The following CNTN5 variants were observed in gnomAD, a reference collection of about 807,000 sequenced individuals.
The protein encoded by CNTN5 is contactin 5.
In CNTN5, 77 loss-of-function variants were observed where a neutral mutation model predicts 129.1. The ratio of observed to expected loss-of-function variants is 0.60; its 90% CI spans 0.50 to 0.72. The LOEUF is 0.72. Ranked by LOEUF, CNTN5 falls within the 30% of genes least tolerant of loss-of-function variation. The pLI, the probability that CNTN5 is intolerant of heterozygous loss-of-function variation, is 0.00. For missense variants in CNTN5, 1,478 were observed against 1,328.8 expected (o/e 1.11, Z -1.75); for synonymous variants, 509 against 465.6 (o/e 1.09, Z -1.20).
chr11:99,642,902 ATGT>A (rs1951822638), intron 3 of CNTN5, among the ~76,000 whole-genome samples: 1 of 152,152 alleles, frequency 6.6e-6, no homozygotes, highest in Non-Finnish European at 1.5e-5. Flanking sequence ...AGGTTCATCC[ATGT>A]TGTTGCAAAT....
chr11:99,305,743 G>T (rs1055307438), intron 1 of CNTN5, among the ~76,000 whole-genome samples: 2 of 152,088 alleles, frequency 1.3e-5, no homozygotes, highest in African/African-American at 4.8e-5. Flanking sequence ...CACTTTGGGA[G>T]GCTGAGGCAG....
At chr11:99,682,784 A>G in intron 3 of CNTN5, among the ~76,000 whole-genome samples, 1 of 151,964 alleles carries the variant, frequency 6.6e-6, no homozygotes, top group East Asian at 1.9e-4. Flanking sequence ...CAATAAGACA[A>G]CAAACCTAAT....
chr11:99,351,309 A>C (rs1229792003), intron 2 of CNTN5, among the ~76,000 whole-genome samples: 1 of 152,162 alleles, frequency 6.6e-6, no homozygotes, highest in African/African-American at 2.4e-5. Context: ...GTGAGGTGAG[A>C]ATTATTGGCC....
chr11:99,402,801 T>C (rs947855346), intron 2 of CNTN5, among the ~76,000 whole-genome samples: 4 of 152,098 alleles, frequency 2.6e-5, no homozygotes, highest in African/African-American at 2.4e-5. Context: ...ATTTGGTAGG[T>C]TGTATGTGTC....
chr11:100,106,589 G>A (rs1435666857), intron 13 of CNTN5, among the ~76,000 whole-genome samples: 1 of 152,126 alleles, frequency 6.6e-6, no homozygotes, highest in Non-Finnish European at 1.5e-5. Context: ...TGAACTTACA[G>A]TTTAAATTGT....
Position 99,956,852 on chromosome 11 carries a change from G to T in CNTN5, c.720G>T (p.Ala240=). 6.2e-7 allele frequency: 1 copy of T among 1,613,820 alleles called. No homozygotes were observed. The highest frequency in any genetic ancestry group is 8.5e-7 in the Non-Finnish European group (1 of 1,179,838). The change falls in exon 8 of 25, where the codon GCG becomes GCT. Residue 240 remains alanine (A), a synonymous_variant. Coordinates refer to ENST00000524871, the MANE Select transcript of CNTN5 (RefSeq NM_014361.4). ...WVFNEFPSFV[A]EDSRRFISQE... ...TTAATGAGTTCCCTTCCTTTGTGGC[G>T]GAAGACAGCCGGCGGTTCATCTCCC...
At chr11:99,966,342 C>G (rs1951092994) in intron 8 of CNTN5, among the ~76,000 whole-genome samples, 1 of 152,102 alleles carries the variant, frequency 6.6e-6, no homozygotes, top group Non-Finnish European at 1.5e-5. Flanking sequence ...TAGTTTATTT[C>G]AAATTTATCC....
intron 18 of CNTN5, among the ~76,000 whole-genome samples, chr11:100,287,450 A>G (rs1950823602): frequency 6.6e-6 from 1 of 151,268 alleles, no homozygotes; most frequent in Admixed American, 6.6e-5. Flanking sequence ...GGGGGCCAAT[A>G]TTCAACATTC....
At chr11:99,760,991 A>T (rs919749893) in intron 3 of CNTN5, among the ~76,000 whole-genome samples, 1 of 152,138 alleles carries the variant, frequency 6.6e-6, no homozygotes, top group Admixed American at 6.6e-5. Flanking sequence ...AAATTGTTTA[A>T]TCATTGTCTC....
intron 1 of CNTN5, among the ~76,000 whole-genome samples, chr11:99,237,670 A>G (rs867492885): frequency 6.6e-6 from 1 of 151,128 alleles, no homozygotes; most frequent in Non-Finnish European, 1.5e-5. Context: ...ACAAAACAAG[A>G]CTCTGTCTCA....
rs114435705 is a variant in CNTN5, at chr11:99,994,692, A to G, written c.878-7342A>G. Among the ~76,000 whole-genome samples the G allele has an allele frequency of 7.4e-3, 1,120 of 152,302 alleles. 16 individuals are homozygous for G. The highest frequency in any genetic ancestry group is 0.026 in the African/African-American group (1,074 of 41,560). On this transcript the variant is annotated intron_variant, in intron 8 of 24. Transcript: ENST00000524871. ...ATCAATTTTAAGAATAGGCAGGGAA[A>G]TCGGAAATTAAGTTTGAGGACTGCT...
At chr11:99,628,359 A>T (rs1951206044) in intron 3 of CNTN5, among the ~76,000 whole-genome samples, 1 of 152,054 alleles carries the variant, frequency 6.6e-6, no homozygotes, top group African/African-American at 2.4e-5. Context: ...CACATCTTTA[A>T]TGAAAACATA....
rs545097685 is a variant in CNTN5, at chr11:99,511,266, G to T, written c.-70-44879G>T. Reference sequence around the variant, plus strand: ...TGTCTTTGTTCTCGTTGGTTTCAAAGAACATCTTTATTTCTGCCTTCATTT... The same window carrying T: ...TGTCTTTGTTCTCGTTGGTTTCAAATAACATCTTTATTTCTGCCTTCATTT... On this transcript the variant is annotated intron_variant, in intron 2 of 24. Coordinates refer to ENST00000524871, the MANE Select transcript of CNTN5 (RefSeq NM_014361.4). Among the ~76,000 whole-genome samples the T allele has an allele frequency of 2.0e-5, 3 of 152,202 alleles. No individual in the cohort carries two copies. In the South Asian group the frequency reaches 6.2e-4, roughly 32 times the overall value.
chr11:99,480,537 A>AT lies in CNTN5; in HGVS notation c.-70-75607dup, dbSNP rs546798825. 6.6e-5 allele frequency among the ~76,000 whole-genome samples: 10 copies of AT among 152,316 alleles called. No homozygotes were observed. The South Asian group carries it at 2.1e-3, about 32-fold the overall frequency. ...AATGGCTGGAATAATTATGAACATCATATAAACATTTGCTATTAATTTTAC... is the reference window on the plus strand; with the variant it reads ...AATGGCTGGAATAATTATGAACATCATTATAAACATTTGCTATTAATTTTAC... On this transcript the variant is annotated intron_variant, in intron 2 of 24. Transcript: ENST00000524871.
chr11:100,144,221 T>C (rs1303719270), intron 13 of CNTN5, among the ~76,000 whole-genome samples: 1 of 152,186 alleles, frequency 6.6e-6, no homozygotes, highest in Admixed American at 6.5e-5. Context: ...GTTTTTTTAT[T>C]TTATTTTTTT....
intron 6 of CNTN5, among the ~76,000 whole-genome samples, chr11:99,897,890 C>T (rs1949249935): frequency 1.3e-5 from 2 of 152,144 alleles, no homozygotes; most frequent in South Asian, 4.1e-4. Flanking sequence ...CTGCTGTCTT[C>T]AGGAGACCTA....
intron 17 of CNTN5, among the ~76,000 whole-genome samples, chr11:100,266,430 C>T (rs1286066653): frequency 6.6e-6 from 1 of 152,020 alleles, no homozygotes; most frequent in Non-Finnish European, 1.5e-5. Flanking sequence ...TTTTAAAATA[C>T]TTACTTTGGT....
chr11:99,517,842 G>T (rs1591201721), intron 2 of CNTN5, among the ~76,000 whole-genome samples: 1 of 152,108 alleles, frequency 6.6e-6, no homozygotes, highest in Non-Finnish European at 1.5e-5. Context: ...TTGATCGTTA[G>T]TCTGGGATTA....
intron 3 of CNTN5, among the ~76,000 whole-genome samples, chr11:99,565,251 T>C (rs1158258774): frequency 6.6e-6 from 1 of 152,124 alleles, no homozygotes; most frequent in Non-Finnish European, 1.5e-5. Flanking sequence ...GGGCACTTTC[T>C]GTGGAAGTGC....
Sources: gnomAD v4.1 joint callset for allele counts (sites outside exome capture counted in the v4.1 genomes callset) on GRCh38, gnomAD v4.1.1 for gene constraint, MANE v1.5 for transcripts, NCBI Gene and HGNC (gene_info 2026-07-23, HGNC 2026-07-21) for gene names.